TEKT1: variants seen among roughly 807,000 people sequenced by gnomAD.
The protein encoded by TEKT1 is tektin-1.
TEKT1 carries 32 observed loss-of-function variants against 34.8 expected under a neutral mutation model. The ratio of observed to expected loss-of-function variants is 0.92; its 90% CI spans 0.69 to 1.23. TEKT1 has a LOEUF of 1.23. Among genes scored for constraint, TEKT1 ranks in the 50% most tolerant of loss-of-function variants. The probability of loss-of-function intolerance (pLI) is 0.00; values close to 1 mark genes in which losing one functional copy is unlikely to be tolerated. For synonymous variants in TEKT1, 207 were observed against 199.8 expected, an observed-to-expected ratio of 1.04 and a Z score of -0.30; for missense variants, 492 against 518.5, an observed-to-expected ratio of 0.95 and a Z score of 0.50.
At chr17:6,822,964 T>C (rs1193994182) in intron 2 of TEKT1, among the ~76,000 whole-genome samples, 1 of 152,246 alleles carries the variant, frequency 6.6e-6, no homozygotes, top group Non-Finnish European at 1.5e-5. Flanking sequence ...TTAATATTTA[T>C]GGATCTTTCC....
chr17:6,799,371 T>A lies in TEKT1; in HGVS notation c.*656A>T, dbSNP rs1433026999. 3.9e-5 allele frequency: 6 copies of A among 152,152 alleles called. No homozygotes were observed. Among genetic ancestry groups the A allele is most frequent in the Non-Finnish European group, 8.8e-5 (6 of 68,020 alleles). The allele number at this position is 152,152 out of a possible 1,614,324, so 9.4% of individuals were successfully genotyped here. On this transcript the variant is annotated 3_prime_UTR_variant, in exon 8 of 8. Transcript: ENST00000338694. ...GTGCAGAAATTATGTTGGTATAGGG[T>A]GGGACTGCTCACAATGGCTCACATT...
At chr17:6,809,492 A>G (rs142927708) in intron 6 of TEKT1, among the ~76,000 whole-genome samples, 2,284 of 152,310 alleles carry the variant, frequency 0.015, 12 homozygotes, top group South Asian at 0.044. Flanking sequence ...TCAGCCTCCC[A>G]AAGTGCTAGG....
At chr17:6,807,416 T>C (rs1240176656) in intron 6 of TEKT1, among the ~76,000 whole-genome samples, 4 of 152,174 alleles carry the variant, frequency 2.6e-5, no homozygotes, top group Non-Finnish European at 4.4e-5. Context: ...GGTTCGAACT[T>C]CCTCCTTTAG....
Position 6,815,316 on chromosome 17 carries a change from G to C in TEKT1, c.486-10C>G. ...GGCAGAGCGGTTCATCCTGAAGGGA[G>C]AAAGTAAACTGGGTTTCTGCCTCTG... On this transcript the variant is annotated splice_polypyrimidine_tract_variant and intron_variant, in intron 4 of 7. Transcript: ENST00000338694. 3 of 1,614,224 alleles carry C rather than the reference G, an allele frequency of 1.9e-6. No homozygotes were observed. Among genetic ancestry groups the C allele is most frequent in the Non-Finnish European group, 8.5e-7 (1 of 1,180,028 alleles).
intron 6 of TEKT1, among the ~76,000 whole-genome samples, chr17:6,802,229 A>G (rs1976783820): frequency 1.3e-5 from 2 of 152,196 alleles, no homozygotes; most frequent in Non-Finnish European, 2.9e-5. Flanking sequence ...TTAAGCTTCT[A>G]TTTAAACACT....
chr17:6,801,128 A>G (rs1976765954), intron 6 of TEKT1, among the ~76,000 whole-genome samples, 185 bp from the exon 7 acceptor site: 1 of 152,144 alleles, frequency 6.6e-6, no homozygotes, highest in African/African-American at 2.4e-5. Flanking sequence ...GTCACATAAG[A>G]CTTAAAACCT....
chr17:6,819,359 C>G lies in TEKT1; in HGVS notation c.191-1G>C. 6.2e-7 allele frequency: 1 copy of G among 1,611,220 alleles called. No homozygotes were observed. The highest frequency in any genetic ancestry group is 8.5e-7 in the Non-Finnish European group (1 of 1,178,640). On this transcript the variant is annotated splice_acceptor_variant, in intron 2 of 7. Transcript: ENST00000338694. LOFTEE classifies it high-confidence loss of function. ...AACTGGACTTCCTCGAGTCTCTGTTCTGAAGCACACGGGGAAGTTACACCA... is the reference window on the plus strand; with the variant it reads ...AACTGGACTTCCTCGAGTCTCTGTTGTGAAGCACACGGGGAAGTTACACCA...
chr17:6,830,146 A>C, intron 2 of TEKT1, 41 bp downstream of exon 2: 435 of 1,567,084 alleles, frequency 2.8e-4, no homozygotes, highest in Non-Finnish European at 3.4e-4. Context: ...CAACAGCCTC[A>C]TCCTAGCATG....
intron 2 of TEKT1, among the ~76,000 whole-genome samples, chr17:6,824,275 T>C (rs1473814964): frequency 6.6e-6 from 1 of 152,076 alleles, no homozygotes; most frequent in Non-Finnish European, 1.5e-5. Context: ...TCTACCCTTA[T>C]GGCTCCCCTT....
chr17:6,806,570 C>G (rs1401717013), intron 6 of TEKT1, among the ~76,000 whole-genome samples: 1 of 152,178 alleles, frequency 6.6e-6, no homozygotes, highest in Non-Finnish European at 1.5e-5. Flanking sequence ...CGTCGATGGT[C>G]TTTACAATTT....
intron 2 of TEKT1, among the ~76,000 whole-genome samples, chr17:6,829,274 G>A (rs758351236): frequency 9.2e-5 from 14 of 152,186 alleles, no homozygotes; most frequent in East Asian, 7.7e-4. Context: ...ACTCCGCCCC[G>A]TCTTTGTTCC....
chr17:6,803,299 T>G (rs905421731), intron 6 of TEKT1, among the ~76,000 whole-genome samples: 2 of 152,218 alleles, frequency 1.3e-5, no homozygotes, highest in Non-Finnish European at 2.9e-5. Flanking sequence ...CACTTTTTAA[T>G]GGGGTTGTTT....
At position 6,799,984 on chromosome 17, in the gene TEKT1, T is replaced by A. The variant is rs779838255; in HGVS notation, c.*43A>T. On this transcript the variant is annotated 3_prime_UTR_variant, in exon 8 of 8. Transcript: ENST00000338694. ...GAGAGCTCTGTACTACTGTAACTAC[T>A]GTTTACAATGTGGTTTAATGAGAAT... 6 of 1,566,010 alleles carry A rather than the reference T, an allele frequency of 3.8e-6. No homozygotes were observed. The African/African-American group carries it at 8.1e-5, about 21-fold the overall frequency.
At chr17:6,807,200 CACTT>C (rs1976857013) in intron 6 of TEKT1, among the ~76,000 whole-genome samples, 1 of 152,172 alleles carries the variant, frequency 6.6e-6, no homozygotes, top group Non-Finnish European at 1.5e-5. Context: ...CTTCTCTTCT[CACTT>C]AATTTCATTC....
At chr17:6,831,300 C>G (rs1904567608) in intron 1 of TEKT1, among the ~76,000 whole-genome samples, 1 of 152,182 alleles carries the variant, frequency 6.6e-6, no homozygotes, top group South Asian at 2.1e-4. Flanking sequence ...CCATCTCTAC[C>G]CTAAGGTCTG....
At chr17:6,825,290 C>A (rs1213737613) in intron 2 of TEKT1, among the ~76,000 whole-genome samples, 1 of 152,096 alleles carries the variant, frequency 6.6e-6, no homozygotes, top group East Asian at 1.9e-4. Flanking sequence ...TTGGATGTGA[C>A]CAATTGGAAG....
At chr17:6,814,483 G>A (rs1976975226) in intron 5 of TEKT1, among the ~76,000 whole-genome samples, 2 of 152,260 alleles carry the variant, frequency 1.3e-5, no homozygotes, top group African/African-American at 4.8e-5. Context: ...GTGTGTGAGT[G>A]CACATGTACA....
chr17:6,819,257 A>G lies in TEKT1; in HGVS notation c.292T>C (p.Leu98=), dbSNP rs1429686268. ...TDDLLIYKIR[L]EKALETLKEP... ...TTCAAGGTCTCCAGGGCTTTTTCCAATCTGATCTTATATATGAGTAGATCA... is the reference window on the plus strand; with the variant it reads ...TTCAAGGTCTCCAGGGCTTTTTCCAGTCTGATCTTATATATGAGTAGATCA... Residue 98 remains leucine (L), a synonymous_variant, in exon 3 of 8, where the codon TTG becomes CTG. Coordinates refer to ENST00000338694, the MANE Select transcript of TEKT1 (RefSeq NM_053285.2). 1.9e-6 allele frequency: 3 copies of G among 1,614,082 alleles called. No individual in the cohort carries two copies. The highest frequency in any genetic ancestry group is 1.7e-5 in the Admixed American group (1 of 60,012).
In TEKT1 at chr17:6,819,444, A is replaced by C; in HGVS notation, c.191-86T>G. ...TTAGAAACTTGAAGACTGTTGTAAAACCACCTGTGACATGCTCTTTTCCTC... is the reference window on the plus strand; with the variant it reads ...TTAGAAACTTGAAGACTGTTGTAAACCCACCTGTGACATGCTCTTTTCCTC... On this transcript the variant is annotated intron_variant, in intron 2 of 7. Coordinates refer to ENST00000338694, the MANE Select transcript of TEKT1 (RefSeq NM_053285.2). 2.2e-6 allele frequency: 3 copies of C among 1,363,632 alleles called. No individual in the cohort carries two copies. In the South Asian group the frequency reaches 4.6e-5, roughly 21 times the overall value. The allele number at this position is 1,363,632 out of a possible 1,614,324, so 84.5% of individuals were successfully genotyped here. A position where few individuals can be genotyped will look rare whatever the true frequency, so the allele number is the denominator to read the frequency against.
Sources: gnomAD v4.1 joint callset for allele counts (sites outside exome capture counted in the v4.1 genomes callset) on GRCh38, gnomAD v4.1.1 for gene constraint, MANE v1.5 for transcripts, NCBI Gene and HGNC (gene_info 2026-07-23, HGNC 2026-07-21) for gene names.